SNF8: variants seen among roughly 807,000 people sequenced by gnomAD.
SNF8 encodes the protein vacuolar-sorting protein SNF8.
A neutral mutation model predicts 36.8 loss-of-function variants in SNF8; 19 were observed. The observed-to-expected ratio is 0.52, with a 90% CI of 0.36 to 0.76. The LOEUF is 0.76. Among genes scored for constraint, SNF8 ranks in the 30% least tolerant of loss-of-function variants. The pLI, the probability that SNF8 is intolerant of heterozygous loss-of-function variation, is 0.00. For missense variants in SNF8, 268 were observed against 322.9 expected (o/e 0.83, Z 1.30); for synonymous variants, 127 against 127.4 (o/e 1.00, Z 0.02).
chr17:48,931,892 T>C, intron 6 of SNF8, 175 bp from the exon 7 acceptor site: 1 of 528,608 alleles, frequency 1.9e-6, no homozygotes, highest in Non-Finnish European at 3.4e-6. Context: ...ACTTTCAGCA[T>C]GACAGAGGTA....
chr17:48,941,206 T>C, intron 2 of SNF8, 144 bp from the exon 3 acceptor site: 1 of 869,252 alleles, frequency 1.2e-6, no homozygotes, highest in Non-Finnish European at 1.8e-6. Flanking sequence ...ACCATCTCTC[T>C]TTTTATCCCT....
intron 1 of SNF8, among the ~76,000 whole-genome samples, chr17:48,944,381 G>C (rs1001572083): frequency 6.6e-6 from 1 of 152,274 alleles, no homozygotes; most frequent in Non-Finnish European, 1.5e-5. Flanking sequence ...GGGATGAAAA[G>C]AGGAGGATCT....
At chr17:48,941,608 A>G (rs1270970429) in intron 2 of SNF8, among the ~76,000 whole-genome samples, 1 of 152,122 alleles carries the variant, frequency 6.6e-6, no homozygotes, top group African/African-American at 2.4e-5. Flanking sequence ...TCACACCTGT[A>G]ATCCCACAAC....
rs1204373635 is a variant in SNF8 at position 48,930,410 on chromosome 17, T to C, written c.*65A>G. 2 of 1,395,602 alleles carry C rather than the reference T, an allele frequency of 1.4e-6. No homozygotes were observed. The highest frequency in any genetic ancestry group is 3.4e-5 in the South Asian group (2 of 58,116). 86.5% of individuals were successfully genotyped at this position (1,395,602 alleles called of 1,614,324 possible). On this transcript the variant is annotated 3_prime_UTR_variant, in exon 8 of 8. Coordinates refer to ENST00000502492, the MANE Select transcript of SNF8 (RefSeq NM_007241.4). ...TTTCTATTTTTTGTATAAACAAAAT[T>C]GCCCAGGTTTATTTGCCACCTCCGC...
chr17:48,938,932 G>A (rs1002874769), intron 3 of SNF8, among the ~76,000 whole-genome samples: 20 of 151,556 alleles, frequency 1.3e-4, no homozygotes, highest in Admixed American at 1.3e-4. Context: ...AATAAATATC[G>A]TTTATGATTG....
At chr17:48,936,732 A>G in intron 4 of SNF8, 2 of 468,054 alleles carry the variant, frequency 4.3e-6, no homozygotes, top group South Asian at 2.7e-5. Flanking sequence ...CAGACACATC[A>G]GACATCAGGG....
intron 6 of SNF8, chr17:48,932,968 G>A (rs1049692825): frequency 9.3e-6 from 4 of 427,968 alleles, no homozygotes; most frequent in Admixed American, 7.7e-5. Context: ...TGACTAGACT[G>A]TAAGCTCCTT....
chr17:48,931,945 C>T (rs972227302), intron 6 of SNF8: 16 of 400,268 alleles, frequency 4.0e-5, no homozygotes, highest in African/African-American at 1.9e-4. Context: ...CGGCCAGGCA[C>T]GGCAGCTCAT....
rs1598095886 is a variant in SNF8, at chr17:48,944,563, C to T, written c.54+118G>A. 18 of 1,148,432 alleles carry T rather than the reference C, an allele frequency of 1.6e-5. No individual in the cohort carries two copies. The East Asian group carries it at 4.3e-4, about 27-fold the overall frequency. The allele number at this position is 1,148,432 out of a possible 1,614,324, so 71.1% of individuals were successfully genotyped here. On this transcript the variant is annotated intron_variant, in intron 1 of 7. Transcript: ENST00000502492. ...GCTGGAGAAATTCTGTGTCCCGGGG[C>T]CGAGAAGCCAGTCTCAGATTCTGTT...
intron 5 of SNF8, among the ~76,000 whole-genome samples, chr17:48,933,999 C>T (rs1444590336): frequency 6.6e-6 from 1 of 152,228 alleles, no homozygotes; most frequent in Non-Finnish European, 1.5e-5. Context: ...AAGGGGGCAA[C>T]CCAGCTGACT....
chr17:48,943,228 G>T (rs112217959), intron 2 of SNF8, among the ~76,000 whole-genome samples: 1 of 151,744 alleles, frequency 6.6e-6, no homozygotes, highest in African/African-American at 2.4e-5. Flanking sequence ...CCAGCACTCT[G>T]GGAGGCCGAG....
chr17:48,930,000 C>G lies in SNF8; in HGVS notation c.*475G>C, dbSNP rs1267393339. 1 of 152,288 alleles carries G rather than the reference C, an allele frequency of 6.6e-6. No homozygotes were observed. The highest frequency in any genetic ancestry group is 1.5e-5 in the Non-Finnish European group (1 of 68,116). The allele number at this position is 152,288 out of a possible 1,614,324, so 9.4% of individuals were successfully genotyped here. ...GACATTGACTTCTATTTCCTTCATA[C>G]TCACAGCTAACTCTGTCATAACCTA... On this transcript the variant is annotated 3_prime_UTR_variant, in exon 8 of 8. Coordinates refer to ENST00000502492, the MANE Select transcript of SNF8 (RefSeq NM_007241.4).
chr17:48,936,015 T>G, intron 5 of SNF8, 155 bp downstream of exon 5: 1 of 447,562 alleles, frequency 2.2e-6, no homozygotes, highest in Non-Finnish European at 4.0e-6. Context: ...TATCTCTTAT[T>G]TTTTGTTTGT....
intron 6 of SNF8, 81 bp from the exon 7 acceptor site, chr17:48,931,798 A>G (rs770712001): frequency 2.9e-6 from 3 of 1,030,820 alleles, no homozygotes; most frequent in Non-Finnish European, 4.4e-6. Context: ...GGAACAAGAG[A>G]CTTACCCAGA....
chr17:48,933,722 C>CGA (rs1392285072), intron 5 of SNF8: 1 of 181,888 alleles, frequency 5.5e-6, no homozygotes, highest in Non-Finnish European at 1.2e-5. Context: ...GGTGACAGAG[C>CGA]GAGACCCTGC....
intron 5 of SNF8, 67 bp from the exon 6 acceptor site, chr17:48,933,413 T>G: frequency 1.8e-5 from 28 of 1,575,010 alleles, no homozygotes; most frequent in Non-Finnish European, 2.3e-5. Flanking sequence ...GTTTCAGCTC[T>G]GCCCTGGGCA....
chr17:48,939,250 G>T (rs1354114427), intron 3 of SNF8, among the ~76,000 whole-genome samples: 1 of 146,238 alleles, frequency 6.8e-6, no homozygotes, highest in African/African-American at 2.6e-5. Flanking sequence ...GGGCAACAGA[G>T]TGAGACTCTG....
chr17:48,935,629 T>A (rs1172497134), intron 5 of SNF8: 1 of 151,452 alleles, frequency 6.6e-6, no homozygotes, highest in African/African-American at 2.4e-5. Context: ...TGCAGTGAGC[T>A]AAGATCGGGT....
In SNF8 at chr17:48,936,160, C is replaced by T; in HGVS notation, c.422+10G>A. On this transcript the variant is annotated intron_variant, in intron 5 of 7. Coordinates refer to ENST00000502492, the MANE Select transcript of SNF8 (RefSeq NM_007241.4). Reference sequence around the variant, plus strand: ...TTCTGTACTCCAAGGGATTGGAAGACAAGACCTACTGACTGACATCCTGGG... The same window carrying T: ...TTCTGTACTCCAAGGGATTGGAAGATAAGACCTACTGACTGACATCCTGGG... 6.2e-7 allele frequency: 1 copy of T among 1,607,850 alleles called. No individual in the cohort carries two copies. The highest frequency in any genetic ancestry group is 8.5e-7 in the Non-Finnish European group (1 of 1,174,478).
Sources: allele counts gnomAD v4.1 joint callset (sites outside exome capture counted in the v4.1 genomes callset), GRCh38; gene constraint gnomAD v4.1.1; transcripts MANE v1.5; gene names NCBI Gene and HGNC (gene_info 2026-07-23, HGNC 2026-07-21).